GAP43: variants seen among roughly 807,000 people sequenced by gnomAD.
GAP43 encodes the protein neuromodulin.
A neutral mutation model predicts 18.6 loss-of-function variants in GAP43; 6 were observed. The ratio of observed to expected loss-of-function variants is 0.32; its 90% confidence interval spans 0.18 to 0.64. GAP43 has a LOEUF of 0.64. Ranked by LOEUF, GAP43 falls within the 30% of genes least tolerant of loss-of-function variation. The pLI is 0.78. For synonymous variants in GAP43, 115 were observed against 111.4 expected (o/e 1.03, Z -0.20); for missense variants, 292 against 295.5 (o/e 0.99, Z 0.09).
In GAP43 at chr3:115,689,618, C is replaced by CT. The variant is rs1709079273; in HGVS notation, c.628+13009dup. Among the ~76,000 whole-genome samples, 4 of 152,250 alleles carry CT rather than the reference C, an allele frequency of 2.6e-5. No individual in the cohort carries two copies. In the East Asian group the frequency reaches 5.8e-4, roughly 22 times the overall value. On this transcript the variant is annotated intron_variant, in intron 2 of 2. Coordinates refer to ENST00000305124, the MANE Select transcript of GAP43 (RefSeq NM_002045.4). ...AATATTTCCTAGGCACCCAGACACT[C>CT]TGAGTCTGAATGAGGATATTTGATT...
intron 1 of GAP43, among the ~76,000 whole-genome samples, chr3:115,661,777 C>T (rs1040376931): frequency 5.0e-4 from 73 of 145,280 alleles, no homozygotes; most frequent in Admixed American, 1.4e-3. Context: ...TGTGAGCCAC[C>T]GCACCCAGCA....
chr3:115,696,097 A>G (rs1709185717), intron 2 of GAP43, among the ~76,000 whole-genome samples: 1 of 150,658 alleles, frequency 6.6e-6, no homozygotes, highest in Admixed American at 6.6e-5. Context: ...GACTTTGGTG[A>G]TCTCTCTGAG....
chr3:115,651,360 TGAAAAG>T (rs1389921208), intron 1 of GAP43, among the ~76,000 whole-genome samples: 5 of 152,144 alleles, frequency 3.3e-5, no homozygotes, highest in African/African-American at 4.8e-5. Flanking sequence ...ACCTGTTGTT[TGAAAAG>T]TTAAGTTAGT....
intron 1 of GAP43, among the ~76,000 whole-genome samples, chr3:115,646,843 A>G (rs1708463893): frequency 6.6e-6 from 1 of 151,994 alleles, no homozygotes; most frequent in Non-Finnish European, 1.5e-5. Context: ...CCCTCTTCTC[A>G]CTTCACTTTA....
At chr3:115,706,398 G>T (rs200988826) in intron 2 of GAP43, among the ~76,000 whole-genome samples, 1 of 32,990 alleles carries the variant, frequency 3.0e-5, no homozygotes, top group Admixed American at 3.1e-4. Flanking sequence ...CTACCCAGCT[G>T]GGGGGTAGGC....
At chr3:115,692,973 G>T (rs1047450817) in intron 2 of GAP43, among the ~76,000 whole-genome samples, 4 of 152,202 alleles carry the variant, frequency 2.6e-5, no homozygotes, top group South Asian at 2.1e-4. Context: ...CACAATAGTT[G>T]TTCCTATTGC....
At position 115,623,580 on chromosome 3, in the gene GAP43, G is replaced by T. The variant is rs566998424; in HGVS notation, c.-110G>T. On this transcript the variant is annotated 5_prime_UTR_variant, in exon 1 of 3. Coordinates refer to ENST00000305124, the MANE Select transcript of GAP43 (RefSeq NM_002045.4). ...AGGGAGGGAGAGAGAGCGCGCTAGCGCGAGAGAGCGAGTGAGCAAGCGAGC... is the reference window on the plus strand; with the variant it reads ...AGGGAGGGAGAGAGAGCGCGCTAGCTCGAGAGAGCGAGTGAGCAAGCGAGC... 1 of 1,417,670 alleles carries T rather than the reference G, an allele frequency of 7.1e-7. No homozygotes were observed. Among genetic ancestry groups the T allele is most frequent in the Non-Finnish European group, 9.9e-7 (1 of 1,013,086 alleles). 87.8% of individuals were successfully genotyped at this position (1,417,670 alleles called of 1,614,324 possible).
intron 2 of GAP43, among the ~76,000 whole-genome samples, chr3:115,684,046 G>C (rs912588750): frequency 3.3e-5 from 5 of 152,120 alleles, no homozygotes; most frequent in South Asian, 2.1e-4. Flanking sequence ...ATTTCAGTTT[G>C]ATCATCTCAC....
chr3:115,719,109 A>G (rs1315457843), intron 2 of GAP43, among the ~76,000 whole-genome samples: 1 of 152,160 alleles, frequency 6.6e-6, no homozygotes, highest in Non-Finnish European at 1.5e-5. Context: ...TATGTCTGTT[A>G]TCTTCTAATT....
chr3:115,664,129 T>A (rs570326239), intron 1 of GAP43, among the ~76,000 whole-genome samples: 1 of 151,946 alleles, frequency 6.6e-6, no homozygotes, highest in Non-Finnish European at 1.5e-5. Context: ...AATAAATATG[T>A]TTGGGGTGTG....
chr3:115,710,419 CT>C (rs1269963258), intron 2 of GAP43, among the ~76,000 whole-genome samples: 3 of 151,758 alleles, frequency 2.0e-5, no homozygotes, highest in Admixed American at 6.6e-5. Flanking sequence ...TATTTTAAAC[CT>C]GATTAAAACT....
chr3:115,626,472 G>A (rs1253906463), intron 1 of GAP43, among the ~76,000 whole-genome samples: 2 of 152,184 alleles, frequency 1.3e-5, no homozygotes, highest in African/African-American at 4.8e-5. Context: ...AGGAAGAAGA[G>A]AATGAGAGTG....
intron 1 of GAP43, among the ~76,000 whole-genome samples, chr3:115,639,938 G>A (rs987117738): frequency 4.6e-5 from 7 of 152,036 alleles, no homozygotes; most frequent in South Asian, 2.1e-4. Context: ...TGAACATTAG[G>A]TAGCTAGATC....
intron 2 of GAP43, among the ~76,000 whole-genome samples, chr3:115,683,124 TGCGCGCGCGTGC>T (rs1463480521): frequency 1.4e-4 from 16 of 113,794 alleles, no homozygotes; most frequent in African/African-American, 3.7e-4. Context: ...TACATACATG[TGCGCGCGCGTGC>T]GCGCGCGCGC....
intron 1 of GAP43, among the ~76,000 whole-genome samples, chr3:115,635,052 A>C (rs974324434): frequency 6.6e-6 from 1 of 152,166 alleles, no homozygotes; most frequent in Non-Finnish European, 1.5e-5. Context: ...CTTAAAAAAC[A>C]CCAATTCTTT....
intron 1 of GAP43, among the ~76,000 whole-genome samples, chr3:115,632,030 C>T (rs1708266232): frequency 6.6e-6 from 1 of 152,126 alleles, no homozygotes; most frequent in Admixed American, 6.5e-5. Flanking sequence ...TGTTACAAGA[C>T]CCAAGGATCA....
At position 115,634,124 on chromosome 3, in the gene GAP43, A is replaced by G. The variant is rs151095177; in HGVS notation, c.30+10405A>G. On this transcript the variant is annotated intron_variant, in intron 1 of 2. Transcript: ENST00000305124. ...AAATGAAAGTTGGGAAGACCCTAAT[A>G]TCCTTTCATTAATGACTAGATAAAA... Among the ~76,000 whole-genome samples, 168 of 152,304 alleles carry G rather than the reference A, an allele frequency of 1.1e-3. 1 individual carries two copies. The highest frequency in any genetic ancestry group is 3.9e-3 in the African/African-American group (162 of 41,578).
In GAP43 at chr3:115,659,618, TAGAGAGAG is replaced by T. The variant is rs10560003; in HGVS notation, c.31-16391_31-16384del. Among the ~76,000 whole-genome samples the T allele has an allele frequency of 4.9e-4, 74 of 151,790 alleles. 2 individuals are homozygous for T. Among genetic ancestry groups the T allele is most frequent in the Middle Eastern group, 3.4e-3 (1 of 292 alleles). ...AGAGCGAAAAATTAAAATAAAATATTAGAGAGAGAGAAAAGGGAAGAGGGGCAAGGTGT... is the reference window on the plus strand; with the variant it reads ...AGAGCGAAAAATTAAAATAAAATATTAGAAAAGGGAAGAGGGGCAAGGTGT... On this transcript the variant is annotated intron_variant, in intron 1 of 2. Transcript: ENST00000305124.
At chr3:115,663,974 C>T in intron 1 of GAP43, 2 of 1,490,232 alleles carry the variant, frequency 1.3e-6, no homozygotes, top group Non-Finnish European at 9.1e-7. Flanking sequence ...CCTGACTCTG[C>T]CACTTACTAG....
Sources: gnomAD v4.1 joint callset for allele counts (sites outside exome capture counted in the v4.1 genomes callset) on GRCh38, gnomAD v4.1.1 for gene constraint, MANE v1.5 for transcripts, NCBI Gene and HGNC (gene_info 2026-07-23, HGNC 2026-07-21) for gene names.